Variants in EYA4 observed in about 807,000 individuals in gnomAD.
The protein encoded by EYA4 is EYA transcriptional coactivator and phosphatase 4, also known as protein phosphatase EYA4.
A neutral mutation model predicts 87.9 loss-of-function variants in EYA4; 31 were observed. That is an observed-to-expected ratio of 0.35 (90% CI 0.27 to 0.48). EYA4 has a LOEUF of 0.48. Ranked by LOEUF, EYA4 falls within the 20% of genes least tolerant of loss-of-function variation. The pLI, the probability that EYA4 is intolerant of heterozygous loss-of-function variation, is 0.99. For synonymous variants in EYA4, 263 were observed against 270.6 expected, an observed-to-expected ratio of 0.97 and a Z score of 0.28; for missense variants, 678 against 761.4, an observed-to-expected ratio of 0.89 and a Z score of 1.29.
intron 2 of EYA4, among the ~76,000 whole-genome samples, chr6:133,295,426 G>GC (rs1778873613): frequency 6.6e-6 from 1 of 152,154 alleles, no homozygotes; most frequent in African/African-American, 2.4e-5. Context: ...ATAAATGCCT[G>GC]CATTTGCTCA....
chr6:133,490,775 G>A (rs1200605686), intron 13 of EYA4, among the ~76,000 whole-genome samples: 5 of 152,110 alleles, frequency 3.3e-5, no homozygotes, highest in African/African-American at 1.2e-4. Context: ...TTCAGCACCT[G>A]ACTTTCAACA....
intron 14 of EYA4, among the ~76,000 whole-genome samples, chr6:133,512,326 G>A (rs1054387533): frequency 3.3e-5 from 5 of 152,074 alleles, no homozygotes; most frequent in African/African-American, 1.2e-4. Flanking sequence ...AACCATCTGA[G>A]GTGTTCAGAC....
rs141749690 is a variant in EYA4, at chr6:133,375,067, A to T, written c.34-7325A>T. On this transcript the variant is annotated intron_variant, in intron 2 of 19. Transcript: ENST00000355286. ...CAAAGATTTAATGTTTCGAGTTTTT[A>T]AAAGTTAAGAAGTGAAGTATAACGT... Among the ~76,000 whole-genome samples the T allele has an allele frequency of 5.4e-3, 827 of 152,134 alleles. 6 individuals are homozygous for T. Among genetic ancestry groups the T allele is most frequent in the African/African-American group, 0.017 (726 of 41,530 alleles).
chr6:133,512,502 C>T (rs1190879597), intron 14 of EYA4, among the ~76,000 whole-genome samples: 1 of 152,156 alleles, frequency 6.6e-6, no homozygotes, highest in Non-Finnish European at 1.5e-5. Context: ...TATATTTTCT[C>T]ACCCCTCCTT....
chr6:133,332,725 T>TC lies in EYA4; in HGVS notation c.34-49667_34-49666insC, dbSNP rs1241366047. Among the ~76,000 whole-genome samples, 1,123 of 149,644 alleles carry TC rather than the reference T, an allele frequency of 7.5e-3. 17 individuals carry two copies. Among genetic ancestry groups the TC allele is most frequent in the African/African-American group, 0.025 (997 of 40,652 alleles). On this transcript the variant is annotated intron_variant, in intron 2 of 19. Transcript: ENST00000355286. ...CGCCCAGCTAAATTTTTTTTTTTTT[T>TC]TTTTTTTTTTTGTATTTTAGCAGAG...
chr6:133,362,585 A>G (rs1007138168), intron 2 of EYA4, among the ~76,000 whole-genome samples: 1 of 152,190 alleles, frequency 6.6e-6, no homozygotes, highest in Non-Finnish European at 1.5e-5. Context: ...GTCAAGCCCA[A>G]ATCAGACAAA....
chr6:133,437,325 T>G (rs1791783109), intron 3 of EYA4, among the ~76,000 whole-genome samples: 1 of 152,182 alleles, frequency 6.6e-6, no homozygotes, highest in Non-Finnish European at 1.5e-5. Context: ...GATTTCATGG[T>G]GTGAATAAAA....
intron 2 of EYA4, among the ~76,000 whole-genome samples, chr6:133,337,736 TA>T (rs1230650503): frequency 2.0e-5 from 3 of 152,268 alleles, no homozygotes; most frequent in Admixed American, 2.0e-4. Context: ...TGCAACGTTG[TA>T]AAAAACACTT....
At chr6:133,264,672 G>A (rs1776065733) in intron 1 of EYA4, among the ~76,000 whole-genome samples, 1 of 152,204 alleles carries the variant, frequency 6.6e-6, no homozygotes, top group African/African-American at 2.4e-5. Flanking sequence ...GCCTGTGCCG[G>A]TTGTGTACAG....
At chr6:133,500,226 G>T (rs963549618) in intron 13 of EYA4, among the ~76,000 whole-genome samples, 10 of 151,974 alleles carry the variant, frequency 6.6e-5, no homozygotes, top group Non-Finnish European at 1.3e-4. Context: ...CAGATAATCC[G>T]ATTTAGTTGG....
intron 17 of EYA4, among the ~76,000 whole-genome samples, chr6:133,518,023 G>C (rs1799751747): frequency 1.3e-5 from 2 of 152,148 alleles, no homozygotes; most frequent in African/African-American, 4.8e-5. Flanking sequence ...AGTTGAAATG[G>C]GACTTGCTAT....
intron 3 of EYA4, among the ~76,000 whole-genome samples, chr6:133,388,406 CA>C (rs34444252): frequency 0.013 from 1,627 of 129,198 alleles, 27 homozygotes; most frequent in African/African-American, 0.046. Flanking sequence ...GACTCGGTCT[CA>C]AAAAAAAAAA....
rs140472262 is a variant in EYA4, at chr6:133,483,085, C to T, written c.1161C>T (p.Leu387=). ...DETIIVFHSL[L]TGSYAQKYGK... ...CCATCATTGTTTTTCACTCACTGCT[C>T]ACCGGGTCTTATGCACAGAAGTATG... The change falls in exon 13 of 20, where the codon CTC becomes CTT. Residue 387 remains leucine (L), a synonymous_variant. Transcript: ENST00000355286. 1.2e-5 allele frequency: 19 copies of T among 1,612,802 alleles called. No individual in the cohort carries two copies. In the African/African-American group the frequency reaches 2.5e-4, roughly 22 times the overall value.
chr6:133,243,553 TTTTTTGTTTGTTGCGTTG>T (rs1774152298), intron 1 of EYA4, among the ~76,000 whole-genome samples: 1 of 144,196 alleles, frequency 6.9e-6, no homozygotes, highest in Non-Finnish European at 1.5e-5. Context: ...TGACGATGGT[TTTTTTGTTTGTTGCGTTG>T]TTTTTGTTTT....
intron 13 of EYA4, among the ~76,000 whole-genome samples, chr6:133,492,935 T>C (rs1797313978): frequency 6.6e-6 from 1 of 152,172 alleles, no homozygotes; most frequent in Non-Finnish European, 1.5e-5. Context: ...AAAACATTGA[T>C]GGCATAAATT....
At chr6:133,502,064 T>C (rs1407634269) in intron 13 of EYA4, among the ~76,000 whole-genome samples, 1 of 150,964 alleles carries the variant, frequency 6.6e-6, no homozygotes, top group East Asian at 1.9e-4. Flanking sequence ...TCTCTCTCTC[T>C]CTCTCTCACT....
At chr6:133,459,946 C>T (rs2128651627) in intron 6 of EYA4, among the ~76,000 whole-genome samples, 1 of 152,042 alleles carries the variant, frequency 6.6e-6, no homozygotes, top group South Asian at 2.1e-4. Flanking sequence ...TTTCCATATT[C>T]AGAGCTTATA....
At chr6:133,259,193 AT>A (rs909915265) in intron 1 of EYA4, among the ~76,000 whole-genome samples, 1 of 151,860 alleles carries the variant, frequency 6.6e-6, no homozygotes, top group African/African-American at 2.4e-5. Context: ...GGAAACAAAG[AT>A]TTTTTTTTAA....
intron 10 of EYA4, among the ~76,000 whole-genome samples, chr6:133,467,254 G>A (rs1209697853): frequency 6.6e-6 from 1 of 152,056 alleles, no homozygotes; most frequent in East Asian, 1.9e-4. Context: ...TTTGACTTAG[G>A]CACTCTGGGT....
Sources: allele counts gnomAD v4.1 joint callset (sites outside exome capture counted in the v4.1 genomes callset), GRCh38; gene constraint gnomAD v4.1.1; transcripts MANE v1.5; gene names NCBI Gene and HGNC (gene_info 2026-07-23, HGNC 2026-07-21).